Variants in PTPRG observed in about 807,000 individuals in gnomAD.
PTPRG encodes the protein receptor-type tyrosine-protein phosphatase gamma.
Under a neutral mutation model 165.3 loss-of-function variants are expected in PTPRG, and 102 were observed. The ratio of observed to expected loss-of-function variants is 0.62; its 90% CI spans 0.53 to 0.73. The LOEUF (loss-of-function observed/expected upper bound fraction) is 0.73. Among genes scored for constraint, PTPRG ranks in the 30% least tolerant of loss-of-function variants. The pLI is 0.00. For synonymous variants in PTPRG, 675 were observed against 669.5 expected, an observed-to-expected ratio of 1.01 and a Z score of -0.13; for missense variants, 1,866 against 1,861.4, an observed-to-expected ratio of 1.00 and a Z score of -0.05.
At chr3:61,901,966 C>T (rs1271829230) in intron 2 of PTPRG, among the ~76,000 whole-genome samples, 1 of 152,020 alleles carries the variant, frequency 6.6e-6, no homozygotes, top group Non-Finnish European at 1.5e-5. Flanking sequence ...CCCCATTTTT[C>T]CTTGATGAAG....
At chr3:61,878,279 A>C (rs1392912650) in intron 2 of PTPRG, among the ~76,000 whole-genome samples, 1 of 152,214 alleles carries the variant, frequency 6.6e-6, no homozygotes, top group Non-Finnish European at 1.5e-5. Context: ...TTCCCCACAC[A>C]ATAGCGATAG....
At chr3:61,829,034 C>T (rs1311537614) in intron 2 of PTPRG, among the ~76,000 whole-genome samples, 2 of 152,070 alleles carry the variant, frequency 1.3e-5, no homozygotes, top group Non-Finnish European at 2.9e-5. Context: ...ATCCTTAGCA[C>T]GTGGTGTGTA....
chr3:62,056,993 A>G (rs2106674169), intron 4 of PTPRG, among the ~76,000 whole-genome samples: 1 of 152,374 alleles, frequency 6.6e-6, no homozygotes, highest in Non-Finnish European at 1.5e-5. Context: ...TGACTTTTAC[A>G]AAGCGAGATA....
chr3:62,267,018 A>AAT (rs1392424991), intron 17 of PTPRG, among the ~76,000 whole-genome samples: 1 of 151,900 alleles, frequency 6.6e-6, no homozygotes, highest in African/African-American at 2.4e-5. Flanking sequence ...ATTGCCTGAA[A>AAT]ATATTAATAG....
At chr3:61,757,470 C>T (rs1434685589) in intron 2 of PTPRG, among the ~76,000 whole-genome samples, 1 of 151,844 alleles carries the variant, frequency 6.6e-6, no homozygotes, top group Admixed American at 6.6e-5. Flanking sequence ...AAGCAAAAAC[C>T]TTTTTGTCTC....
chr3:61,985,621 T>C (rs987566906), intron 2 of PTPRG, among the ~76,000 whole-genome samples: 1 of 152,356 alleles, frequency 6.6e-6, no homozygotes, highest in Admixed American at 6.5e-5. Context: ...CTGCTCCTTA[T>C]GTCCCATTTC....
chr3:61,800,315 A>G (rs561915522), intron 2 of PTPRG, among the ~76,000 whole-genome samples: 1 of 152,304 alleles, frequency 6.6e-6, no homozygotes, highest in South Asian at 2.1e-4. Flanking sequence ...TCCAATTTCA[A>G]AAATAAAGAC....
chr3:62,088,562 C>T (rs349164), intron 5 of PTPRG, among the ~76,000 whole-genome samples: 49,838 of 152,100 alleles, frequency 0.33, 10,281 homozygotes, highest in African/African-American at 0.59. Flanking sequence ...GGTTTACCTC[C>T]GCCCTGTTAA....
chr3:61,732,709 A>AAAAT (rs10593342), intron 1 of PTPRG, among the ~76,000 whole-genome samples: 2,820 of 143,090 alleles, frequency 0.02, 46 homozygotes, highest in East Asian at 0.045. Context: ...ACTCCGTCTC[A>AAAAT]AAATAAATAA....
chr3:61,629,008 C>T (rs1444572049), intron 1 of PTPRG, among the ~76,000 whole-genome samples: 2 of 152,116 alleles, frequency 1.3e-5, no homozygotes, highest in African/African-American at 4.8e-5. Flanking sequence ...AAACGTCTGC[C>T]ATGCATTTTC....
At chr3:61,784,251 GGCTACAT>G (rs1199265934) in intron 2 of PTPRG, among the ~76,000 whole-genome samples, 1 of 152,196 alleles carries the variant, frequency 6.6e-6, no homozygotes, top group Non-Finnish European at 1.5e-5. Context: ...TGAAGGGCAA[GGCTACAT>G]GCTGAGTGGC....
intron 2 of PTPRG, among the ~76,000 whole-genome samples, chr3:61,808,844 G>T (rs1235265788): frequency 1.3e-5 from 2 of 151,650 alleles, no homozygotes; most frequent in South Asian, 2.1e-4. Context: ...AACTCCTAAT[G>T]GGGCCTTTTG....
intron 2 of PTPRG, among the ~76,000 whole-genome samples, chr3:61,774,751 T>A (rs1329602683): frequency 6.6e-6 from 1 of 152,212 alleles, no homozygotes; most frequent in African/African-American, 2.4e-5. Flanking sequence ...TGCCTACCGG[T>A]GTCTCTGCTT....
rs1294926664 is a variant in PTPRG at position 62,056,611 on chromosome 3, G to A, written c.520-21552G>A. Among the ~76,000 whole-genome samples, 2 of 152,140 alleles carry A rather than the reference G, an allele frequency of 1.3e-5. 1 individual carries two copies. Among genetic ancestry groups the A allele is most frequent in the Non-Finnish European group, 2.9e-5 (2 of 68,042 alleles). ...CATGTGCATTGTAGGATGTAAAATA[G>A]TATTCTTGGCCTAAAATATCTAAGA... is the stretch of plus-strand genomic sequence containing the variant. On this transcript the variant is annotated intron_variant, in intron 4 of 29. Transcript: ENST00000474889.
chr3:61,596,249 T>C (rs1225011283), intron 1 of PTPRG, among the ~76,000 whole-genome samples: 1 of 152,218 alleles, frequency 6.6e-6, no homozygotes, highest in African/African-American at 2.4e-5. Context: ...TTGTTTTCCA[T>C]TGTAAGAAGA....
intron 2 of PTPRG, among the ~76,000 whole-genome samples, chr3:61,906,449 C>T (rs912870336): frequency 1.3e-5 from 2 of 151,040 alleles, no homozygotes; most frequent in Admixed American, 1.3e-4. Flanking sequence ...ATGCTCAACT[C>T]CACCTGAAAA....
At chr3:62,121,285 T>C (rs1703061871) in intron 5 of PTPRG, among the ~76,000 whole-genome samples, 1 of 151,998 alleles carries the variant, frequency 6.6e-6, no homozygotes, top group Non-Finnish European at 1.5e-5. Flanking sequence ...CTTGGATGTG[T>C]TAGGAACTGT....
chr3:61,900,781 T>A (rs2038478354), intron 2 of PTPRG, among the ~76,000 whole-genome samples: 1 of 152,000 alleles, frequency 6.6e-6, no homozygotes, highest in African/African-American at 2.4e-5. Context: ...TGTCACTATA[T>A]GTGTGTACTG....
chr3:61,871,395 TA>T (rs901281452), intron 2 of PTPRG, among the ~76,000 whole-genome samples: 31 of 151,978 alleles, frequency 2.0e-4, no homozygotes, highest in Admixed American at 8.5e-4. Flanking sequence ...TCTAGCTAAT[TA>T]AAAAAAATTT....
Sources: gnomAD v4.1 joint callset for allele counts (sites outside exome capture counted in the v4.1 genomes callset) on GRCh38, gnomAD v4.1.1 for gene constraint, MANE v1.5 for transcripts, NCBI Gene and HGNC (gene_info 2026-07-23, HGNC 2026-07-21) for gene names.